HEPHL1: variants seen among roughly 807,000 people sequenced by gnomAD.
HEPHL1 encodes the protein ferroxidase HEPHL1.
Under a neutral mutation model 122.0 loss-of-function variants are expected in HEPHL1, and 123 were observed. The observed-to-expected ratio is 1.01, with a 90% CI of 0.87 to 1.17. The LOEUF (loss-of-function observed/expected upper bound fraction) is 1.17. Ranked by LOEUF, HEPHL1 falls within the 50% of genes most tolerant of loss-of-function variation. The probability of loss-of-function intolerance (pLI) is 0.00; values close to 1 mark genes in which losing one functional copy is unlikely to be tolerated. For synonymous variants in HEPHL1, 527 were observed against 508.9 expected, an observed-to-expected ratio of 1.04 and a Z score of -0.48; for missense variants, 1,452 against 1,430.5, an observed-to-expected ratio of 1.01 and a Z score of -0.24.
Position 94,070,496 on chromosome 11 carries a change from C to G in HEPHL1, c.1186C>G (p.Gln396Glu). The change falls in exon 6 of 20, where the codon CAA becomes GAA. Residue 396 changes from glutamine (Q) to glutamate (E), a missense_variant. Gln to Glu is a conservative substitution (Grantham distance 29). Coordinates refer to ENST00000315765, the MANE Select transcript of HEPHL1 (RefSeq NM_001098672.2). ...AEKILWDYAP[Q>E]GYNKFSGLPL... is the part of the protein sequence containing the mutation. ...AAAAATTCTTTGGGATTATGCTCCT[C>G]AAGGCTATAACAAATTCAGTGGTCT... The G allele has an allele frequency of 6.2e-7, 1 of 1,611,218 alleles. No individual in the cohort carries two copies. Among genetic ancestry groups the G allele is most frequent in the Non-Finnish European group, 8.5e-7 (1 of 1,178,626 alleles).
At chr11:94,102,769 T>G (rs1819371395) in intron 14 of HEPHL1, 145 bp from the exon 15 acceptor site, 1 of 559,780 alleles carries the variant, frequency 1.8e-6, no homozygotes, top group Non-Finnish European at 3.1e-6. Flanking sequence ...GATGGGAGTT[T>G]AATAAGAACA....
At chr11:94,031,188 G>A (rs1945671517) in intron 1 of HEPHL1, among the ~76,000 whole-genome samples, 1 of 151,994 alleles carries the variant, frequency 6.6e-6, no homozygotes, top group African/African-American at 2.4e-5. Flanking sequence ...CCCTACAACA[G>A]TATAAAAGAG....
At chr11:94,021,823 C>T (rs889485121) in intron 1 of HEPHL1, among the ~76,000 whole-genome samples, 1 of 152,164 alleles carries the variant, frequency 6.6e-6, no homozygotes, top group Non-Finnish European at 1.5e-5. Context: ...CTACTAGTAA[C>T]TTCTGGGGGA....
chr11:94,039,492 G>A (rs1945755701), intron 1 of HEPHL1, among the ~76,000 whole-genome samples: 1 of 150,278 alleles, frequency 6.7e-6, no homozygotes, highest in Non-Finnish European at 1.5e-5. Flanking sequence ...CTCAGCAAAT[G>A]TAAAAGAACA....
chr11:94,089,976 C>T (rs917540810), intron 12 of HEPHL1, among the ~76,000 whole-genome samples: 4 of 152,126 alleles, frequency 2.6e-5, no homozygotes, highest in African/African-American at 4.8e-5. Flanking sequence ...AGACATCCTC[C>T]GTGGCTGCGA....
intron 13 of HEPHL1, 93 bp downstream of exon 13, chr11:94,093,733 A>G: frequency 9.9e-6 from 14 of 1,412,532 alleles, no homozygotes; most frequent in Non-Finnish European, 1.2e-5. Context: ...CTAAGAAAGG[A>G]TAGAAGAAAC....
At chr11:94,043,808 C>T (rs1248175761) in intron 1 of HEPHL1, among the ~76,000 whole-genome samples, 1 of 151,946 alleles carries the variant, frequency 6.6e-6, no homozygotes, top group Admixed American at 6.6e-5. Context: ...AGATTAGATG[C>T]CCCAGAACAT....
chr11:94,046,953 T>C (rs1945844679), intron 2 of HEPHL1, among the ~76,000 whole-genome samples: 1 of 151,854 alleles, frequency 6.6e-6, no homozygotes, highest in African/African-American at 2.4e-5. Flanking sequence ...CAAGGAGGAG[T>C]TTCTGGGCAT....
chr11:94,045,706 C>A lies in HEPHL1; in HGVS notation c.204C>A (p.Asn68Lys), dbSNP rs373750549. ...LATLFLERGP[N>K]RIGSIYKKAV... is the part of the protein sequence containing the mutation. ...CCTTATTTCTCGAAAGAGGGCCCAA[C>A]AGGATAGGCAGTATTTACAAAAAGG... Residue 68 changes from asparagine to lysine, a missense_variant, in exon 2 of 20, where the codon AAC becomes AAA. Physicochemically the swap from Asn to Lys is moderately conservative, Grantham distance 94 (BLOSUM62 0). Coordinates refer to ENST00000315765, the MANE Select transcript of HEPHL1 (RefSeq NM_001098672.2). The A allele has an allele frequency of 1.9e-6, 3 of 1,611,392 alleles. No individual in the cohort carries two copies. Among genetic ancestry groups the A allele is most frequent in the Admixed American group, 3.4e-5 (2 of 59,646 alleles).
chr11:94,112,131 G>T lies in HEPHL1; in HGVS notation c.*237G>T. ...CAGAAAAAGGAGAATGGGCATGGCT[G>T]AGAATGTCAACTCTTAGTCTATTCT... is the stretch of plus-strand genomic sequence containing the variant. On this transcript the variant is annotated 3_prime_UTR_variant, in exon 20 of 20. Transcript: ENST00000315765. 2.8e-6 allele frequency: 1 copy of T among 356,490 alleles called. No homozygotes were observed. The highest frequency in any genetic ancestry group is 2.1e-5 in the African/African-American group (1 of 47,840). The allele number at this position is 356,490 out of a possible 1,614,324, so 22.1% of individuals were successfully genotyped here. A position where few individuals can be genotyped will look rare whatever the true frequency, so the allele number is the denominator to read the frequency against.
intron 10 of HEPHL1, among the ~76,000 whole-genome samples, chr11:94,083,377 G>C (rs774764388): frequency 3.9e-5 from 6 of 152,158 alleles, no homozygotes; most frequent in Non-Finnish European, 7.4e-5. Flanking sequence ...TTTGTATCAA[G>C]TGTTACAATA....
At position 94,113,947 on chromosome 11, in the gene HEPHL1, C is replaced by G. The variant is rs1002340973; in HGVS notation, c.*2053C>G. 2.6e-5 allele frequency among the ~76,000 whole-genome samples: 4 copies of G among 152,220 alleles called. No individual in the cohort carries two copies. Among genetic ancestry groups the G allele is most frequent in the African/African-American group, 7.2e-5 (3 of 41,454 alleles). ...TTGTTTCCTCAAACATAACTACACT[C>G]CTTGTTCTCAGCCTCACTCTTGAGA... On this transcript the variant is annotated 3_prime_UTR_variant, in exon 20 of 20. Transcript: ENST00000315765.
rs578094879 is a variant in HEPHL1, at chr11:94,075,271, C to T, written c.1602C>T (p.Pro534=). The change falls in exon 9 of 20, where the codon CCC becomes CCT. Residue 534 remains proline (P), a synonymous_variant. Coordinates refer to ENST00000315765, the MANE Select transcript of HEPHL1 (RefSeq NM_001098672.2). ...ESVSPTAGDP[P]CLTYLYFSAV... ...TAAGCCCAACTGCTGGTGATCCTCC[C>T]TGTCTGACCTATCTTTACTTCTCAG... is the stretch of plus-strand genomic sequence containing the variant. 1.8e-5 allele frequency: 29 copies of T among 1,613,554 alleles called. No individual in the cohort carries two copies. The South Asian group carries it at 2.9e-4, about 16-fold the overall frequency.
rs541400461 is a variant in HEPHL1, at chr11:94,079,683, G to A, written c.1717-2735G>A. On this transcript the variant is annotated intron_variant, in intron 9 of 19. Coordinates refer to ENST00000315765, the MANE Select transcript of HEPHL1 (RefSeq NM_001098672.2). ...CACAGCAAGTGCAGAGGGTGACAAG[G>A]AGCTTGGCCTTGCTTCAAAGTGCCA... Among the ~76,000 whole-genome samples, 10 of 152,318 alleles carry A rather than the reference G, an allele frequency of 6.6e-5. No homozygotes were observed. The East Asian group carries it at 1.9e-3, about 29-fold the overall frequency.
At chr11:94,059,636 A>G (rs971251052) in intron 2 of HEPHL1, among the ~76,000 whole-genome samples, 3 of 152,156 alleles carry the variant, frequency 2.0e-5, no homozygotes, top group Non-Finnish European at 4.4e-5. Context: ...AGCCTTAATA[A>G]ATTCTTTTGA....
rs754148609 is a variant in HEPHL1, at chr11:94,111,547, T to C, written c.3219T>C (p.Ile1073=). Residue 1073 remains isoleucine (I), a synonymous_variant, in exon 19 of 20, where the codon ATT becomes ATC. Transcript: ENST00000315765. The stretch of plus-strand genomic sequence containing the variant: ...GTTTTCTTTGTGCAGACAACAGGAT[T>C]CCTTACTCCACCACATCTCCTGGAG... The part of the protein sequence containing the change: ...YTVLRNIDNR[I]PYSTTSPGVA... 5 of 1,601,658 alleles carry C rather than the reference T, an allele frequency of 3.1e-6. No homozygotes were observed. Among genetic ancestry groups the C allele is most frequent in the Middle Eastern group, 3.3e-4 (2 of 6,044 alleles).
rs796160342 is a variant in HEPHL1 at position 94,090,402 on chromosome 11, C to G, written c.2294+1434C>G. On this transcript the variant is annotated intron_variant, in intron 12 of 19. Coordinates refer to ENST00000315765, the MANE Select transcript of HEPHL1 (RefSeq NM_001098672.2). ...AAATATAGCCTTTATGATGTTCATA[C>G]AACTAATATGAACTCCTACTTTAAG... 3.5e-4 allele frequency among the ~76,000 whole-genome samples: 54 copies of G among 152,290 alleles called. No homozygotes were observed. The East Asian group carries it at 7.1e-3, about 20-fold the overall frequency.
At chr11:94,085,291 C>T (rs112866928) in intron 10 of HEPHL1, among the ~76,000 whole-genome samples, 336 of 152,278 alleles carry the variant, frequency 2.2e-3, no homozygotes, top group Middle Eastern at 0.01. Flanking sequence ...ACTCTGGAAG[C>T]ACAGAGGGTC....
chr11:94,106,155 G>T (rs778158112), intron 17 of HEPHL1, 25 bp downstream of exon 17: 1 of 1,510,114 alleles, frequency 6.6e-7, no homozygotes, highest in African/African-American at 1.4e-5. Context: ...AGTGCTTTGG[G>T]AAAGACGTTT....
Sources: allele counts gnomAD v4.1 joint callset (sites outside exome capture counted in the v4.1 genomes callset), GRCh38; gene constraint gnomAD v4.1.1; transcripts MANE v1.5; gene names NCBI Gene and HGNC (gene_info 2026-07-23, HGNC 2026-07-21).